MAPKAPK3: variants seen among roughly 807,000 people sequenced by gnomAD.
The protein encoded by MAPKAPK3 is MAP kinase-activated protein kinase 3.
In MAPKAPK3, 35 loss-of-function variants were observed where a neutral mutation model predicts 49.2. That is an observed-to-expected ratio of 0.71 (90% CI 0.54 to 0.94). The LOEUF is 0.94. Among genes scored for constraint, MAPKAPK3 ranks in the 40% least tolerant of loss-of-function variants. The probability of loss-of-function intolerance (pLI) is 0.00; values close to 1 mark genes in which losing one functional copy is unlikely to be tolerated. For missense variants in MAPKAPK3, 398 were observed against 493.1 expected (o/e 0.81, Z 1.83); for synonymous variants, 178 against 188.7 (o/e 0.94, Z 0.46).
intron 2 of MAPKAPK3, 84 bp from the exon 3 acceptor site, chr3:50,640,282 G>A: frequency 1.4e-6 from 2 of 1,383,618 alleles, no homozygotes; most frequent in Non-Finnish European, 9.9e-7. Flanking sequence ...GCAGGTCACA[G>A]GCCTCAGAGC....
intron 2 of MAPKAPK3, among the ~76,000 whole-genome samples, chr3:50,634,221 C>A (rs935146064): frequency 1.3e-5 from 2 of 152,210 alleles, no homozygotes; most frequent in Admixed American, 6.5e-5. Flanking sequence ...GGGACCCACA[C>A]CTCAGGTGCA....
Position 50,640,433 on chromosome 3 carries a change from A to G in MAPKAPK3, c.287A>G (p.His96Arg). 6.2e-7 allele frequency: 1 copy of G among 1,613,976 alleles called. No homozygotes were observed. The highest frequency in any genetic ancestry group is 8.5e-7 in the Non-Finnish European group (1 of 1,179,980). The change falls in exon 3 of 11, where the codon CAT becomes CGT. Residue 96 changes from histidine (H) to arginine (R), a missense_variant. Coordinates refer to ENST00000621469, the MANE Select transcript of MAPKAPK3 (RefSeq NM_001243925.2). Reference sequence around the variant, plus strand: ...CACTGGCAGGCTTCTGGCGGCCCCCATATTGTCTGCATCCTGGATGTGTAT... The same window carrying G: ...CACTGGCAGGCTTCTGGCGGCCCCCGTATTGTCTGCATCCTGGATGTGTAT... Reference protein sequence around the residue: ...DHHWQASGGPHIVCILDVYEN... With the variant: ...DHHWQASGGPRIVCILDVYEN...
chr3:50,630,784 C>T (rs1196187074), intron 2 of MAPKAPK3, among the ~76,000 whole-genome samples: 3 of 152,176 alleles, frequency 2.0e-5, no homozygotes, highest in African/African-American at 7.2e-5. Flanking sequence ...ACTCTCACTG[C>T]CCAGCTGTGT....
chr3:50,614,500 AGTGTGTGTGTGTGTGTGT>A (rs3066739), upstream of MAPKAPK3, among the ~76,000 whole-genome samples: 2 of 138,856 alleles, frequency 1.4e-5, no homozygotes, highest in African/African-American at 2.8e-5. Context: ...GTAAGGACAG[AGTGTGTGTGTGTGTGTGT>A]GTGTGTGTGT....
intron 3 of MAPKAPK3, among the ~76,000 whole-genome samples, chr3:50,640,801 C>G (rs528456470): frequency 6.6e-6 from 1 of 152,294 alleles, no homozygotes; most frequent in African/African-American, 2.4e-5. Context: ...GCTCCCAATC[C>G]CTGAATATGG....
intron 5 of MAPKAPK3, 47 bp downstream of exon 5, chr3:50,642,379 TC>T: frequency 1.4e-6 from 2 of 1,391,518 alleles, no homozygotes. Context: ...GAGGATATTG[TC>T]CCACTCCACA....
chr3:50,624,735 G>C (rs1165581910), intron 2 of MAPKAPK3, among the ~76,000 whole-genome samples: 2 of 152,184 alleles, frequency 1.3e-5, no homozygotes, highest in Non-Finnish European at 2.9e-5. Context: ...ATCTGGCTCT[G>C]TAAGCCCGCA....
At chr3:50,629,942 A>G (rs1383042458) in intron 2 of MAPKAPK3, among the ~76,000 whole-genome samples, 1 of 152,240 alleles carries the variant, frequency 6.6e-6, no homozygotes, top group Non-Finnish European at 1.5e-5. Flanking sequence ...CTGGGAAGAC[A>G]CTAGGCTTGG....
At chr3:50,631,636 AT>A (rs1245628040) in intron 2 of MAPKAPK3, among the ~76,000 whole-genome samples, 3 of 152,226 alleles carry the variant, frequency 2.0e-5, no homozygotes, top group Admixed American at 6.5e-5. Flanking sequence ...ATCATTTGAG[AT>A]GTGATCCTCA....
chr3:50,629,080 G>A (rs987129478), intron 2 of MAPKAPK3, among the ~76,000 whole-genome samples: 7 of 152,074 alleles, frequency 4.6e-5, no homozygotes, highest in African/African-American at 1.7e-4. Flanking sequence ...CCATTCCCCA[G>A]GGTCGCTCCC....
rs779772290 is a variant in MAPKAPK3 at position 50,617,620 on chromosome 3, C to A, written c.55C>A (p.Pro19Thr). The change falls in exon 2 of 11, where the codon CCC becomes ACC. Residue 19 changes from proline to threonine, a missense_variant. Pro to Thr is a conservative substitution (Grantham distance 38, BLOSUM62 -1). Transcript: ENST00000621469. ...GGGCCCTGTGCCCCCGCCAGTTGCA[C>A]CCGGCGGACCCGGCTTGGGCGGTGC... ...QGGPVPPPVA[P>T]GGPGLGGAPG... The A allele has an allele frequency of 1.2e-6, 2 of 1,605,832 alleles. No individual in the cohort carries two copies. The highest frequency in any genetic ancestry group is 1.7e-6 in the Non-Finnish European group (2 of 1,174,020).
At chr3:50,644,558 ACTCCT>A in intron 6 of MAPKAPK3, 26 bp downstream of exon 6, 1 of 1,612,772 alleles carries the variant, frequency 6.2e-7, no homozygotes, top group Non-Finnish European at 8.5e-7. Context: ...ATGAGTTGTA[ACTCCT>A]CACCCCAACT....
chr3:50,624,278 C>CGTGTGT (rs67821486), intron 2 of MAPKAPK3, among the ~76,000 whole-genome samples: 18 of 149,928 alleles, frequency 1.2e-4, no homozygotes, highest in African/African-American at 4.4e-4. Context: ...TGTGCACTCA[C>CGTGTGT]GTGTGTGTGT....
upstream of MAPKAPK3, chr3:50,613,701 C>T (rs1477671752): frequency 1.3e-5 from 2 of 152,222 alleles, no homozygotes; most frequent in African/African-American, 4.8e-5. Flanking sequence ...CATGACTATT[C>T]AACTGAACAC....
chr3:50,645,871 C>A, intron 7 of MAPKAPK3, 86 bp downstream of exon 7: 1 of 1,255,340 alleles, frequency 8.0e-7, no homozygotes, highest in Non-Finnish European at 1.2e-6. Flanking sequence ...CCCCCACCCC[C>A]ATGTCCTTGG....
At chr3:50,624,667 T>C (rs1357025355) in intron 2 of MAPKAPK3, among the ~76,000 whole-genome samples, 2 of 152,152 alleles carry the variant, frequency 1.3e-5, no homozygotes, top group Non-Finnish European at 2.9e-5. Flanking sequence ...GATCCCTCAT[T>C]TTCCTCTGCT....
intron 2 of MAPKAPK3, 26 bp from the exon 3 acceptor site, chr3:50,640,340 C>T (rs368341878): frequency 5.0e-6 from 8 of 1,604,390 alleles, no homozygotes; most frequent in Non-Finnish European, 6.8e-6. Context: ...CTGAGCCTGA[C>T]ACTTTCTATG....
Position 50,635,159 on chromosome 3 carries a change from G to A in MAPKAPK3, c.220-5207G>A, listed in dbSNP as rs2107589674. 1.3e-5 allele frequency among the ~76,000 whole-genome samples: 2 copies of A among 152,288 alleles called. 1 individual carries two copies. The highest frequency in any genetic ancestry group is 4.2e-4 in the South Asian group (2 of 4,818). On this transcript the variant is annotated intron_variant, in intron 2 of 10. Coordinates refer to ENST00000621469, the MANE Select transcript of MAPKAPK3 (RefSeq NM_001243925.2). The stretch of plus-strand genomic sequence containing the variant: ...TCATTCTCATGCCTGGGAAGATGGA[G>A]CTCTTACTTTGGGACATCTTTTGTG...
chr3:50,639,328 C>G (rs1369503515), intron 2 of MAPKAPK3, among the ~76,000 whole-genome samples: 1 of 152,182 alleles, frequency 6.6e-6, no homozygotes, highest in Non-Finnish European at 1.5e-5. Flanking sequence ...AACTAGGGTC[C>G]TCCCTTCCCC....
Sources: gnomAD v4.1 joint callset for allele counts (sites outside exome capture counted in the v4.1 genomes callset) on GRCh38, gnomAD v4.1.1 for gene constraint, MANE v1.5 for transcripts, NCBI Gene and HGNC (gene_info 2026-07-23, HGNC 2026-07-21) for gene names.